The following DDX60 variants were observed in gnomAD, a reference collection of about 807,000 sequenced individuals.
DDX60 encodes the protein DExD/H-box helicase 60, also known as probable ATP-dependent RNA helicase DDX60.
In DDX60, 165 loss-of-function variants were observed where a neutral mutation model predicts 212.8. The ratio of observed to expected loss-of-function variants is 0.78; its 90% CI spans 0.68 to 0.88. The LOEUF is 0.88. Among genes scored for constraint, DDX60 ranks in the 40% least tolerant of loss-of-function variants. The pLI is 0.00. For synonymous variants in DDX60, 703 were observed against 685.3 expected, an observed-to-expected ratio of 1.03 and a Z score of -0.40; for missense variants, 1,905 against 2,003.9, an observed-to-expected ratio of 0.95 and a Z score of 0.94.
intron 20 of DDX60, 140 bp downstream of exon 20, chr4:168,268,714 T>G (rs1045430620): frequency 1.2e-5 from 6 of 489,210 alleles, no homozygotes; most frequent in African/African-American, 7.9e-5. Context: ...TGTAGAGAGA[T>G]GCAGTTTCTT....
rs761881699 is a variant in DDX60, at chr4:168,267,997, T to C, written c.2787-14A>G. ...GATTGTAGCCACCTTAAAAAATAAA[T>C]GTACATATTATTTAGGCAGAACATG... is the stretch of plus-strand genomic sequence containing the variant. On this transcript the variant is annotated splice_polypyrimidine_tract_variant and intron_variant, in intron 20 of 37. Coordinates refer to ENST00000393743, the MANE Select transcript of DDX60 (RefSeq NM_017631.6). 8.1e-6 allele frequency: 13 copies of C among 1,601,296 alleles called. No homozygotes were observed. The East Asian group carries it at 2.7e-4, about 33-fold the overall frequency.
intron 7 of DDX60, among the ~76,000 whole-genome samples, chr4:168,292,407 T>A (rs1736151263): frequency 6.6e-6 from 1 of 152,196 alleles, no homozygotes; most frequent in Non-Finnish European, 1.5e-5. Flanking sequence ...ACATAAACTC[T>A]ACTGCATTTA....
In DDX60 at chr4:168,261,989, A is replaced by G. The variant is rs1734641748; in HGVS notation, c.3273+11T>C. 3.8e-6 allele frequency: 6 copies of G among 1,583,340 alleles called. No individual in the cohort carries two copies. The highest frequency in any genetic ancestry group is 1.7e-4 in the Middle Eastern group (1 of 6,000). ...AAAATAAAGTTTGGCCAAAAAGCGT[A>G]TGAAAATTACCTGCTCTACGTTGCC... is the stretch of plus-strand genomic sequence containing the variant. On this transcript the variant is annotated intron_variant, in intron 24 of 37. Transcript: ENST00000393743.
intron 30 of DDX60, among the ~76,000 whole-genome samples, chr4:168,242,009 A>G (rs1477173995): frequency 6.6e-6 from 1 of 152,150 alleles, no homozygotes; most frequent in African/African-American, 2.4e-5. Flanking sequence ...CGCTATGACT[A>G]AAAGGGGACA....
rs775786800 is a variant in DDX60 at position 168,280,525 on chromosome 4, C to T, written c.1788G>A (p.Lys596=). The T allele has an allele frequency of 1.0e-4, 163 of 1,613,960 alleles. No individual in the cohort carries two copies. The highest frequency in any genetic ancestry group is 1.3e-4 in the Non-Finnish European group (154 of 1,180,002). Reference sequence around the variant, plus strand: ...ACAAAGCATTCCACTTTTGCTCTTCCTTTTGTTCTTCCCTGGCAAATAACC... The same window carrying T: ...ACAAAGCATTCCACTTTTGCTCTTCTTTTTGTTCTTCCCTGGCAAATAACC... The part of the protein sequence containing the change: ...KKRLFAREEQ[K]EEQKWNALSF... Residue 596 remains lysine, a synonymous_variant, in exon 14 of 38, where the codon AAG becomes AAA. Coordinates refer to ENST00000393743, the MANE Select transcript of DDX60 (RefSeq NM_017631.6).
Position 168,250,850 on chromosome 4 carries a change from C to T in DDX60, c.3858+104G>A, listed in dbSNP as rs549843160. The T allele has an allele frequency of 2.4e-5, 24 of 990,694 alleles. No homozygotes were observed. The South Asian group carries it at 4.1e-4, about 17-fold the overall frequency. The allele number at this position is 990,694 out of a possible 1,614,324, so 61.4% of individuals were successfully genotyped here. On this transcript the variant is annotated intron_variant, in intron 28 of 37. Transcript: ENST00000393743. Reference sequence around the variant, plus strand: ...AACTTATTTTTTTAAAAGACAATTACATGAGAAAAAAAGAAAAATGGTGGT... The same window carrying T: ...AACTTATTTTTTTAAAAGACAATTATATGAGAAAAAAAGAAAAATGGTGGT...
At chr4:168,233,619 A>C (rs1733531344) in intron 33 of DDX60, among the ~76,000 whole-genome samples, 2 of 152,118 alleles carry the variant, frequency 1.3e-5, no homozygotes, top group Admixed American at 1.3e-4. Flanking sequence ...ATTGAAAACC[A>C]AAAATCAAAT....
intron 1 of DDX60, among the ~76,000 whole-genome samples, 192 bp downstream of exon 1, chr4:168,318,430 C>T (rs1374079813): frequency 6.6e-6 from 1 of 152,272 alleles, no homozygotes; most frequent in Admixed American, 6.5e-5. Context: ...CCCCTCCCCA[C>T]GCCCGGCCTT....
chr4:168,286,482 T>C (rs1735865497), intron 10 of DDX60, among the ~76,000 whole-genome samples: 1 of 149,716 alleles, frequency 6.7e-6, no homozygotes, highest in African/African-American at 2.5e-5. Context: ...ATTATGATAA[T>C]AGACAAATGA....
chr4:168,295,014 T>G (rs1736278880), intron 6 of DDX60, among the ~76,000 whole-genome samples: 2 of 151,952 alleles, frequency 1.3e-5, no homozygotes, highest in Admixed American at 1.3e-4. Context: ...CAAATGCAAA[T>G]TAAAACTACA....
At chr4:168,312,627 A>G (rs181006201) in intron 1 of DDX60, among the ~76,000 whole-genome samples, 1 of 152,144 alleles carries the variant, frequency 6.6e-6, no homozygotes, top group South Asian at 2.1e-4. Context: ...TTGCCATTCA[A>G]TATGTTAGGG....
chr4:168,232,781 C>T (rs961617184), intron 33 of DDX60, among the ~76,000 whole-genome samples: 2 of 151,932 alleles, frequency 1.3e-5, no homozygotes, highest in Admixed American at 1.3e-4. Context: ...TATAAAAACC[C>T]TTCTAGACAT....
intron 28 of DDX60, among the ~76,000 whole-genome samples, chr4:168,249,770 A>C (rs963093025): frequency 6.6e-6 from 1 of 152,324 alleles, no homozygotes; most frequent in East Asian, 1.9e-4. Context: ...ATTTGTTATT[A>C]GTTAAGAGAA....
intron 29 of DDX60, among the ~76,000 whole-genome samples, chr4:168,246,922 G>A (rs4591557): frequency 0.058 from 8,862 of 152,218 alleles, 450 homozygotes; most frequent in East Asian, 0.15. Flanking sequence ...CACTGGCAAA[G>A]CAGTGATGTC....
chr4:168,278,524 T>C (rs1309972862), intron 14 of DDX60, among the ~76,000 whole-genome samples: 1 of 151,976 alleles, frequency 6.6e-6, no homozygotes, highest in Non-Finnish European at 1.5e-5. Context: ...GACTGAAAAA[T>C]ATAAAAAATA....
rs1021439996 is a variant in DDX60, at chr4:168,280,624, G to A, written c.1723-34C>T. On this transcript the variant is annotated intron_variant, in intron 13 of 37. Coordinates refer to ENST00000393743, the MANE Select transcript of DDX60 (RefSeq NM_017631.6). ...AAGGAAAAAACATCTCTTAAGACAAGTTGAAAATATTCCAAGATAACAGGT... is the reference window on the plus strand; with the variant it reads ...AAGGAAAAAACATCTCTTAAGACAAATTGAAAATATTCCAAGATAACAGGT... The A allele has an allele frequency of 1.9e-6, 3 of 1,566,300 alleles. No individual in the cohort carries two copies. In the African/African-American group the frequency reaches 4.1e-5, roughly 21 times the overall value.
intron 1 of DDX60, among the ~76,000 whole-genome samples, chr4:168,318,073 A>T (rs1737479702): frequency 6.6e-6 from 1 of 152,214 alleles, no homozygotes; most frequent in Admixed American, 6.5e-5. Context: ...GTTTTAAGCC[A>T]CTATACCTGC....
At chr4:168,257,901 G>A (rs939768732) in intron 25 of DDX60, among the ~76,000 whole-genome samples, 1 of 152,172 alleles carries the variant, frequency 6.6e-6, no homozygotes, top group African/African-American at 2.4e-5. Flanking sequence ...CAGTTCTTTG[G>A]TTTTGGAGAC....
At chr4:168,236,019 G>T (rs911559121) in intron 33 of DDX60, 1 of 404,712 alleles carries the variant, frequency 2.5e-6, no homozygotes, top group Non-Finnish European at 4.3e-6. Context: ...TGAAAAACAT[G>T]AATAAAATGT....
Sources: gnomAD v4.1 joint callset for allele counts (sites outside exome capture counted in the v4.1 genomes callset) on GRCh38, gnomAD v4.1.1 for gene constraint, MANE v1.5 for transcripts, NCBI Gene and HGNC (gene_info 2026-07-23, HGNC 2026-07-21) for gene names.